The following PPP1R17 variants were observed in gnomAD, a reference collection of about 807,000 sequenced individuals.
The protein encoded by PPP1R17 is protein phosphatase 1 regulatory subunit 17.
A neutral mutation model predicts 15.9 loss-of-function variants in PPP1R17; 12 were observed. The observed-to-expected ratio is 0.75, with a 90% CI of 0.48 to 1.22. The LOEUF (loss-of-function observed/expected upper bound fraction) is 1.22. PPP1R17 is among the 50% of genes most tolerant of loss of function. PPP1R17 has a pLI of 0.00. For missense variants in PPP1R17, 211 were observed against 187.3 expected (o/e 1.13, Z -0.74); for synonymous variants, 63 against 64.5 (o/e 0.98, Z 0.11).
chr7:31,688,452 C>A (rs781678767), intron 1 of PPP1R17, among the ~76,000 whole-genome samples: 6 of 152,212 alleles, frequency 3.9e-5, no homozygotes, highest in Non-Finnish European at 7.3e-5. Flanking sequence ...AAATCCAGAC[C>A]AGCTTCTGAC....
intron 4 of PPP1R17, among the ~76,000 whole-genome samples, chr7:31,704,458 C>A (rs982738834): frequency 1.6e-4 from 24 of 152,204 alleles, no homozygotes; most frequent in Non-Finnish European, 3.1e-4. Flanking sequence ...GTTCCCTAAA[C>A]TCTTCTGTAT....
At chr7:31,691,511 T>A (rs891773700) in intron 1 of PPP1R17, among the ~76,000 whole-genome samples, 1 of 152,032 alleles carries the variant, frequency 6.6e-6, no homozygotes, top group Non-Finnish European at 1.5e-5. Context: ...TTTCTATAAA[T>A]CTCAGCTAAT....
At chr7:31,698,976 A>T (rs138366507) in intron 4 of PPP1R17, among the ~76,000 whole-genome samples, 2 of 152,308 alleles carry the variant, frequency 1.3e-5, no homozygotes, top group East Asian at 3.9e-4. Flanking sequence ...AGTGCCTACT[A>T]TGTGCCAGGC....
At chr7:31,694,216 A>G (rs1281557743) in intron 2 of PPP1R17, among the ~76,000 whole-genome samples, 1 of 152,186 alleles carries the variant, frequency 6.6e-6, no homozygotes, top group African/African-American at 2.4e-5. Flanking sequence ...AACACTCAGG[A>G]CTGGAGTTAA....
chr7:31,691,797 TAAAAAAAAAAAAA>T (rs377169335), intron 1 of PPP1R17, among the ~76,000 whole-genome samples: 2 of 86,558 alleles, frequency 2.3e-5, no homozygotes, highest in Non-Finnish European at 4.4e-5. Flanking sequence ...ATGTAATGAT[TAAAAAAAAAAAAA>T]AAAAAAAAAA....
chr7:31,698,102 G>T (rs958844610), intron 4 of PPP1R17, among the ~76,000 whole-genome samples: 1 of 152,150 alleles, frequency 6.6e-6, no homozygotes, highest in Non-Finnish European at 1.5e-5. Context: ...TCTGTGCTGT[G>T]GTTTGGAATC....
chr7:31,692,343 C>A, intron 1 of PPP1R17, 63 bp from the exon 2 acceptor site: 3 of 974,178 alleles, frequency 3.1e-6, no homozygotes, highest in South Asian at 3.1e-5. Flanking sequence ...ATTTACTTAG[C>A]AAATGATTGA....
At chr7:31,707,087 T>A (rs561638034) in intron 4 of PPP1R17, 117 bp from the exon 5 acceptor site, 1 of 871,430 alleles carries the variant, frequency 1.1e-6, no homozygotes, top group African/African-American at 1.7e-5. Context: ...GCAGGTAACC[T>A]TGTAGACACT....
At chr7:31,691,906 T>C (rs1250197496) in intron 1 of PPP1R17, among the ~76,000 whole-genome samples, 2 of 151,844 alleles carry the variant, frequency 1.3e-5, no homozygotes, top group Non-Finnish European at 2.9e-5. Flanking sequence ...AGGTGTCTAA[T>C]GGAAGTCAGC....
intron 4 of PPP1R17, among the ~76,000 whole-genome samples, chr7:31,697,504 G>A (rs988845745): frequency 5.3e-5 from 8 of 152,124 alleles, no homozygotes; most frequent in African/African-American, 1.9e-4. Flanking sequence ...TCCTCAAAAT[G>A]AGAGACAGAA....
At chr7:31,692,047 A>G (rs1792376960) in intron 1 of PPP1R17, among the ~76,000 whole-genome samples, 1 of 152,196 alleles carries the variant, frequency 6.6e-6, no homozygotes, top group African/African-American at 2.4e-5. Flanking sequence ...CAGAAAAAAC[A>G]TAGGCAAGGT....
At chr7:31,705,359 G>T (rs1212274476) in intron 4 of PPP1R17, among the ~76,000 whole-genome samples, 2 of 152,164 alleles carry the variant, frequency 1.3e-5, no homozygotes, top group Admixed American at 6.5e-5. Context: ...AGCAAGGATG[G>T]ATGGAAAATT....
At chr7:31,699,994 GA>G (rs1257491667) in intron 4 of PPP1R17, among the ~76,000 whole-genome samples, 1 of 151,986 alleles carries the variant, frequency 6.6e-6, no homozygotes, top group Admixed American at 6.6e-5. Context: ...TATTCCACGA[GA>G]CACAAAGATA....
chr7:31,692,776 G>A (rs1009249925), intron 2 of PPP1R17, among the ~76,000 whole-genome samples: 8 of 152,262 alleles, frequency 5.3e-5, no homozygotes, highest in South Asian at 2.1e-4. Context: ...AGGAAGCATC[G>A]TCCTCTTTTT....
At chr7:31,688,611 T>C (rs1792208340) in intron 1 of PPP1R17, among the ~76,000 whole-genome samples, 1 of 152,258 alleles carries the variant, frequency 6.6e-6, no homozygotes. Context: ...TAACAATCCC[T>C]GTGTATTGTG....
At chr7:31,706,888 T>C (rs1172935925) in intron 4 of PPP1R17, among the ~76,000 whole-genome samples, 1 of 152,152 alleles carries the variant, frequency 6.6e-6, no homozygotes, top group Non-Finnish European at 1.5e-5. Context: ...GAACTGTGAG[T>C]GCAAAGCAAT....
intron 4 of PPP1R17, among the ~76,000 whole-genome samples, chr7:31,702,083 T>C (rs1429860200): frequency 6.6e-6 from 1 of 152,220 alleles, no homozygotes; most frequent in Non-Finnish European, 1.5e-5. Flanking sequence ...CTATTTTCCA[T>C]GGATCTTTTT....
chr7:31,691,563 C>T (rs1157812609), intron 1 of PPP1R17, among the ~76,000 whole-genome samples: 1 of 152,000 alleles, frequency 6.6e-6, no homozygotes, highest in African/African-American at 2.4e-5. Flanking sequence ...TTCTGGAATT[C>T]CACTGCTCCT....
In PPP1R17 at chr7:31,695,459, T is replaced by C. The variant is rs1792537843; in HGVS notation, c.83-10T>C. 6.3e-7 allele frequency: 1 copy of C among 1,591,746 alleles called. No homozygotes were observed. Among genetic ancestry groups the C allele is most frequent in the African/African-American group, 1.4e-5 (1 of 73,370 alleles). The stretch of plus-strand genomic sequence containing the variant: ...ATATTCTTTATTTCTTTGTATCCTG[T>C]CAAAATTAGATGATCTTTCAGACCA... On this transcript the variant is annotated splice_polypyrimidine_tract_variant and intron_variant, in intron 2 of 4. Coordinates refer to ENST00000342032, the MANE Select transcript of PPP1R17 (RefSeq NM_006658.5).
Sources: allele counts gnomAD v4.1 joint callset (sites outside exome capture counted in the v4.1 genomes callset), GRCh38; gene constraint gnomAD v4.1.1; transcripts MANE v1.5; gene names NCBI Gene and HGNC (gene_info 2026-07-23, HGNC 2026-07-21).